ANTXRL: variants seen among roughly 807,000 people sequenced by gnomAD.
ANTXRL encodes ANTXR like, also known as anthrax toxin receptor-like.
ANTXRL carries 63 observed loss-of-function variants against 75.4 expected under a neutral mutation model. The observed-to-expected ratio is 0.84, with a 90% CI of 0.68 to 1.03. The LOEUF (loss-of-function observed/expected upper bound fraction) is 1.03, where lower values mean the gene tolerates loss of function less well. ANTXRL is among the 50% of genes least tolerant of loss of function. The pLI is 0.00. For missense variants in ANTXRL, 797 were observed against 789.4 expected (o/e 1.01, Z -0.12); for synonymous variants, 335 against 291.3 (o/e 1.15, Z -1.53).
At chr10:46,306,158 C>A (rs1221440561) in intron 10 of ANTXRL, among the ~76,000 whole-genome samples, 1 of 152,214 alleles carries the variant, frequency 6.6e-6, no homozygotes, top group Non-Finnish European at 1.5e-5. Context: ...TACCTGGGAT[C>A]TTTGCCTGGC....
At chr10:46,310,302 T>C (rs1838347337) in intron 13 of ANTXRL, among the ~76,000 whole-genome samples, 159 bp from the exon 14 acceptor site, 1 of 152,142 alleles carries the variant, frequency 6.6e-6, no homozygotes, top group Admixed American at 6.5e-5. Flanking sequence ...AGGAGGAGCC[T>C]GCCGGGTACA....
intron 2 of ANTXRL, 96 bp from the exon 3 acceptor site, chr10:46,293,733 C>A (rs1169493187): frequency 4.9e-6 from 5 of 1,015,560 alleles, no homozygotes; most frequent in African/African-American, 1.6e-5. Flanking sequence ...GGCTCCAAAG[C>A]GGAAGAGTTG....
intron 16 of ANTXRL, among the ~76,000 whole-genome samples, chr10:46,319,406 C>T (rs530167872): frequency 6.6e-5 from 10 of 152,166 alleles, no homozygotes; most frequent in Non-Finnish European, 1.5e-4. Context: ...TACAACACAT[C>T]GAAGATTTTA....
intron 14 of ANTXRL, among the ~76,000 whole-genome samples, chr10:46,310,833 G>A (rs1460367332): frequency 6.6e-6 from 1 of 152,160 alleles, no homozygotes; most frequent in African/African-American, 2.4e-5. Context: ...TGGAAAAGGA[G>A]CCCCGTGTTT....
intron 16 of ANTXRL, among the ~76,000 whole-genome samples, chr10:46,316,675 T>C (rs1359033165): frequency 6.6e-6 from 1 of 152,268 alleles, no homozygotes; most frequent in East Asian, 1.9e-4. Flanking sequence ...GAGTGATCTA[T>C]GGAACACCTG....
chr10:46,328,219 G>A lies in ANTXRL; in HGVS notation c.1411-1380G>A, dbSNP rs140213408. Among the ~76,000 whole-genome samples, 1,493 of 152,280 alleles carry A rather than the reference G, an allele frequency of 9.8e-3. 31 individuals carry two copies. Among genetic ancestry groups the A allele is most frequent in the African/African-American group, 0.032 (1,336 of 41,542 alleles). ...TCTGGAGCTGAGTCTGAAAAGGTGA[G>A]CAGCAGTTCACTGGGCAGACAAGGT... On this transcript the variant is annotated intron_variant, in intron 16 of 16. Transcript: ENST00000620264.
At chr10:46,305,819 T>C (rs1554961734) in intron 10 of ANTXRL, among the ~76,000 whole-genome samples, 6 of 151,712 alleles carry the variant, frequency 4.0e-5, no homozygotes, top group South Asian at 2.1e-4. Context: ...AAAAACCCAG[T>C]CCCCTCCTCA....
chr10:46,324,414 A>G (rs1799253172), intron 16 of ANTXRL, among the ~76,000 whole-genome samples: 1 of 152,180 alleles, frequency 6.6e-6, no homozygotes, highest in African/African-American at 2.4e-5. Flanking sequence ...ATTTTGGACT[A>G]TGGGAAATCT....
chr10:46,323,970 C>A (rs1024614400), intron 16 of ANTXRL, among the ~76,000 whole-genome samples: 1 of 152,090 alleles, frequency 6.6e-6, no homozygotes, highest in Non-Finnish European at 1.5e-5. Flanking sequence ...TGGTTCCAGG[C>A]CAAGGAAAAT....
chr10:46,289,567 A>G (rs1430677619), intron 1 of ANTXRL, among the ~76,000 whole-genome samples: 1 of 152,046 alleles, frequency 6.6e-6, no homozygotes, highest in Non-Finnish European at 1.5e-5. Context: ...TCCATACAAA[A>G]CATACAAAAA....
chr10:46,297,117 G>A, intron 5 of ANTXRL, 135 bp from the exon 6 acceptor site: 1 of 712,742 alleles, frequency 1.4e-6, no homozygotes, highest in Non-Finnish European at 2.3e-6. Flanking sequence ...CTCCTCTGGA[G>A]GATGAGGTGG....
intron 1 of ANTXRL, among the ~76,000 whole-genome samples, chr10:46,289,947 T>C (rs1836913732): frequency 1.3e-5 from 2 of 152,158 alleles, no homozygotes; most frequent in Non-Finnish European, 2.9e-5. Context: ...AGCATAATGT[T>C]TTCAAGTTTA....
chr10:46,302,187 G>T (rs1837790399), intron 9 of ANTXRL, among the ~76,000 whole-genome samples: 1 of 152,186 alleles, frequency 6.6e-6, no homozygotes, highest in Non-Finnish European at 1.5e-5. Flanking sequence ...TCCTGGCCCT[G>T]ATGCTGTGGG....
chr10:46,301,428 G>A (rs1399209824), intron 9 of ANTXRL, among the ~76,000 whole-genome samples: 3 of 152,216 alleles, frequency 2.0e-5, no homozygotes, highest in Admixed American at 6.5e-5. Context: ...GGGCAGCATA[G>A]TATCCATCAA....
intron 16 of ANTXRL, among the ~76,000 whole-genome samples, chr10:46,324,537 T>G (rs1160053329): frequency 1.3e-5 from 2 of 152,178 alleles, no homozygotes; most frequent in African/African-American, 4.8e-5. Context: ...TACATGGAAT[T>G]CTAAATCCTA....
At chr10:46,319,778 C>G (rs572127795) in intron 16 of ANTXRL, among the ~76,000 whole-genome samples, 1 of 152,204 alleles carries the variant, frequency 6.6e-6, no homozygotes, top group Non-Finnish European at 1.5e-5. Context: ...GTCAGTTGCT[C>G]CCATAAACAC....
chr10:46,311,636 C>A lies in ANTXRL; in HGVS notation c.1300C>A (p.Gln434Lys). ...PTVIICCCGC[Q>K]GVGGMRRIEG... ...TGTGATTATTTGTTGCTGTGGATGCCAAGGAGTGGGCGGGATGAGAAGGAT... is the reference window on the plus strand; with the variant it reads ...TGTGATTATTTGTTGCTGTGGATGCAAAGGAGTGGGCGGGATGAGAAGGAT... Residue 434 changes from glutamine to lysine, a missense_variant, in exon 15 of 17, where the codon CAA (glutamine) becomes AAA (lysine). By Grantham distance (53) the Gln-to-Lys change is moderately conservative. Around this residue, in one of 3 missense-constraint regions of ANTXRL, gnomAD observed 479 missense variants for 422.0 expected, o/e 1.14. Transcript: ENST00000620264. The A allele has an allele frequency of 3.2e-6, 4 of 1,244,900 alleles. No individual in the cohort carries two copies. Among genetic ancestry groups the A allele is most frequent in the Non-Finnish European group, 4.5e-6 (4 of 880,852 alleles). The allele number at this position is 1,244,900 out of a possible 1,614,324, so 77.1% of individuals were successfully genotyped here.
intron 12 of ANTXRL, chr10:46,308,439 C>T (rs781914659): frequency 2.4e-6 from 1 of 423,644 alleles, no homozygotes; most frequent in South Asian, 1.7e-5. Context: ...TCTCCACTCC[C>T]CTCCCCTCCC....
At chr10:46,301,820 A>T (rs1368712788) in intron 9 of ANTXRL, among the ~76,000 whole-genome samples, 1 of 152,204 alleles carries the variant, frequency 6.6e-6, no homozygotes, top group Non-Finnish European at 1.5e-5. Context: ...CCTTGGGTGC[A>T]TGGACCGGGG....
Sources: allele counts gnomAD v4.1 joint callset (sites outside exome capture counted in the v4.1 genomes callset), GRCh38; gene constraint gnomAD v4.1.1; regional missense constraint gnomAD v4.1.1; transcripts MANE v1.5; gene names NCBI Gene and HGNC (gene_info 2026-07-23, HGNC 2026-07-21).